CPPED1: variants seen among roughly 807,000 people sequenced by gnomAD.
The protein encoded by CPPED1 is calcineurin like phosphoesterase domain containing 1.
CPPED1 carries 28 observed loss-of-function variants against 28.0 expected under a neutral mutation model. The ratio of observed to expected loss-of-function variants is 1.00; its 90% CI spans 0.74 to 1.37. The LOEUF is 1.37. Ranked by LOEUF, CPPED1 falls within the 40% of genes most tolerant of loss-of-function variation. The pLI is 0.00. For missense variants in CPPED1, 504 were observed against 416.5 expected (o/e 1.21, Z -1.83); for synonymous variants, 198 against 180.2 (o/e 1.10, Z -0.79).
chr16:12,787,725 C>G (rs533246919), intron 1 of CPPED1, among the ~76,000 whole-genome samples: 1 of 152,076 alleles, frequency 6.6e-6, no homozygotes, highest in African/African-American at 2.4e-5. Flanking sequence ...ACTTTTTCAA[C>G]GTTAATTTTT....
At chr16:12,757,006 G>C (rs2080373850) in intron 2 of CPPED1, among the ~76,000 whole-genome samples, 1 of 152,114 alleles carries the variant, frequency 6.6e-6, no homozygotes, top group Admixed American at 6.5e-5. Context: ...ACTAGAATCA[G>C]GGTAAGTAAG....
chr16:12,705,046 T>A lies in CPPED1; in HGVS notation c.293A>T (p.Lys98Met). 1 of 1,605,932 alleles carries A rather than the reference T, an allele frequency of 6.2e-7. No homozygotes were observed. The highest frequency in any genetic ancestry group is 1.1e-5 in the South Asian group (1 of 90,442). The change falls in exon 3 of 4, where the codon AAG becomes ATG. Residue 98 changes from lysine to methionine, a missense_variant. By Grantham distance (95) the Lys-to-Met change is moderately conservative. Transcript: ENST00000381774. ...CGDLIHAMPG[K>M]PWRTEQTEDL... ...CTCCGTCTGCTCCGTCCGCCACGGC[T>A]TCCCTGGAAGAGTGAGGGTCACGTC...
chr16:12,803,017 CTT>C, intron 1 of CPPED1, among the ~76,000 whole-genome samples: 1 of 152,338 alleles, frequency 6.6e-6, no homozygotes, highest in Middle Eastern at 3.4e-3. Flanking sequence ...AAACCTCCCT[CTT>C]TACTTAGCAC....
At chr16:12,699,093 A>C (rs1319178769) in intron 3 of CPPED1, among the ~76,000 whole-genome samples, 3 of 152,220 alleles carry the variant, frequency 2.0e-5, no homozygotes, top group Non-Finnish European at 4.4e-5. Flanking sequence ...AAGGACCGAG[A>C]AAATGTCTAG....
intron 1 of CPPED1, among the ~76,000 whole-genome samples, chr16:12,783,442 T>C (rs2080544282): frequency 6.6e-6 from 1 of 152,066 alleles, no homozygotes; most frequent in Non-Finnish European, 1.5e-5. Flanking sequence ...GAAACTACAG[T>C]GAGCCGAAAT....
chr16:12,773,564 C>T (rs1596480009), intron 2 of CPPED1, among the ~76,000 whole-genome samples: 1 of 151,924 alleles, frequency 6.6e-6, no homozygotes, highest in Admixed American at 6.6e-5. Context: ...CTCTACTAAA[C>T]ATACTAAAAT....
intron 2 of CPPED1, among the ~76,000 whole-genome samples, chr16:12,776,240 G>T (rs569419576): frequency 2.6e-5 from 4 of 152,156 alleles, no homozygotes; most frequent in Non-Finnish European, 5.9e-5. Context: ...GCCAAGAAAC[G>T]CAGTTGGCCT....
intron 2 of CPPED1, chr16:12,720,389 G>C (rs2080133124): frequency 6.5e-6 from 1 of 154,388 alleles, no homozygotes; most frequent in Non-Finnish European, 1.5e-5. Context: ...TCCTAAAGAG[G>C]TGTTCAAATC....
intron 3 of CPPED1, among the ~76,000 whole-genome samples, chr16:12,665,873 C>A (rs575947992): frequency 2.2e-4 from 33 of 152,202 alleles, no homozygotes; most frequent in African/African-American, 7.9e-4. Context: ...TGCAGTGAGC[C>A]AAGATCATGC....
chr16:12,669,169 T>TA (rs1351033160), intron 3 of CPPED1, among the ~76,000 whole-genome samples: 1 of 152,180 alleles, frequency 6.6e-6, no homozygotes, highest in Non-Finnish European at 1.5e-5. Context: ...AAAGTGTTGA[T>TA]ACAAGCTGCA....
intron 2 of CPPED1, among the ~76,000 whole-genome samples, chr16:12,770,726 G>C (rs1375989419): frequency 6.6e-6 from 1 of 152,094 alleles, no homozygotes; most frequent in Non-Finnish European, 1.5e-5. Context: ...GGAGACTGAG[G>C]CAGGAGAATC....
intron 2 of CPPED1, chr16:12,753,928 G>A (rs772221890): frequency 1.4e-4 from 21 of 152,174 alleles, no homozygotes; most frequent in Non-Finnish European, 2.5e-4. Flanking sequence ...AAGAATGACA[G>A]GCTGGGTAAT....
intron 3 of CPPED1, among the ~76,000 whole-genome samples, chr16:12,701,306 G>C (rs1464799216): frequency 1.3e-5 from 2 of 152,000 alleles, no homozygotes; most frequent in Admixed American, 6.6e-5. Context: ...GAGGCGGGCA[G>C]ATCACTTGAG....
In CPPED1 at chr16:12,684,786, T is replaced by G. The variant is rs551230295; in HGVS notation, c.716-19671A>C. Among the ~76,000 whole-genome samples the G allele has an allele frequency of 2.6e-5, 4 of 152,188 alleles. No individual in the cohort carries two copies. The East Asian group carries it at 7.7e-4, about 29-fold the overall frequency. Reference sequence around the variant, plus strand: ...ACTGAATACTCATCCCCAGGATGAATAGCAGAGAGCGGCCGCTCTGTGACT... The same window carrying G: ...ACTGAATACTCATCCCCAGGATGAAGAGCAGAGAGCGGCCGCTCTGTGACT... On this transcript the variant is annotated intron_variant, in intron 3 of 3. Coordinates refer to ENST00000381774, the MANE Select transcript of CPPED1 (RefSeq NM_018340.3).
Position 12,704,685 on chromosome 16 carries a change from G to T in CPPED1, c.654C>A (p.Asp218Glu). The change falls in exon 3 of 4, where the codon GAC becomes GAA. Residue 218 changes from aspartate to glutamate, a missense_variant. Physicochemically the swap from Asp to Glu is conservative, Grantham distance 45. Transcript: ENST00000381774. Reference sequence around the variant, plus strand: ...TGGACTTGCTGAGGTTGAAGTAGTAGTCGTCGTCCTCGTCGATGCTCTCCA... The same window carrying T: ...TGGACTTGCTGAGGTTGAAGTAGTATTCGTCGTCCTCGTCGATGCTCTCCA... ...LFLESIDEDD[D>E]YYFNLSKSTR... 6.2e-7 allele frequency: 1 copy of T among 1,614,206 alleles called. No individual in the cohort carries two copies. The highest frequency in any genetic ancestry group is 1.1e-5 in the South Asian group (1 of 91,084).
chr16:12,684,129 T>C (rs1158902859), intron 3 of CPPED1, among the ~76,000 whole-genome samples: 1 of 152,192 alleles, frequency 6.6e-6, no homozygotes, highest in East Asian at 1.9e-4. Context: ...TGTTTCAGCC[T>C]GCCATGCTAG....
intron 2 of CPPED1, chr16:12,754,029 C>T (rs2080348433): frequency 6.6e-6 from 1 of 152,178 alleles, no homozygotes; most frequent in African/African-American, 2.4e-5. Context: ...CCCTCCTTTC[C>T]AGCTGACAGC....
At position 12,671,055 on chromosome 16, in the gene CPPED1, T is replaced by C. The variant is rs1240285537; in HGVS notation, c.716-5940A>G. On this transcript the variant is annotated intron_variant, in intron 3 of 3. Transcript: ENST00000381774. ...TAGTAGAGATTGGGTTTCACCATGT[T>C]GGCCAGGCTGGTCTCAAACTCTTGA... Among the ~76,000 whole-genome samples the C allele has an allele frequency of 3.3e-5, 5 of 152,220 alleles. No individual in the cohort carries two copies. In the East Asian group the frequency reaches 9.6e-4, roughly 29 times the overall value.
intron 1 of CPPED1, among the ~76,000 whole-genome samples, chr16:12,798,339 T>C (rs2080639448): frequency 1.3e-5 from 2 of 152,228 alleles, no homozygotes; most frequent in South Asian, 4.1e-4. Context: ...TAGTTTGGCC[T>C]AAATGTATGG....
Sources: gnomAD v4.1 joint callset for allele counts (sites outside exome capture counted in the v4.1 genomes callset) on GRCh38, gnomAD v4.1.1 for gene constraint, MANE v1.5 for transcripts, NCBI Gene and HGNC (gene_info 2026-07-23, HGNC 2026-07-21) for gene names.